ARHGAP6: variants seen among roughly 807,000 people sequenced by gnomAD.
ARHGAP6 encodes the protein rho GTPase-activating protein 6.
A neutral mutation model predicts 55.7 loss-of-function variants in ARHGAP6; 16 were observed. That is an observed-to-expected ratio of 0.29 (90% CI 0.19 to 0.44). The LOEUF is 0.44. Ranked by LOEUF, ARHGAP6 falls within the 20% of genes least tolerant of loss-of-function variation. ARHGAP6 has a pLI of 1.00. For synonymous variants in ARHGAP6, 382 were observed against 360.9 expected, an observed-to-expected ratio of 1.06 and a Z score of -0.66; for missense variants, 698 against 808.9, an observed-to-expected ratio of 0.86 and a Z score of 1.66.
chrX:11,229,405 C>A (rs2047096790), intron 2 of ARHGAP6, among the ~76,000 whole-genome samples: 1 of 112,084 alleles, frequency 8.9e-6, no homozygotes, highest in South Asian at 3.7e-4. Context: ...TTCAATGATA[C>A]CACCCCTCAG....
chrX:11,529,243 T>G (rs766348759), intron 1 of ARHGAP6, among the ~76,000 whole-genome samples: 1 of 112,132 alleles, frequency 8.9e-6, no homozygotes, highest in Non-Finnish European at 1.9e-5. Context: ...GTGTTCCCTA[T>G]AGTTTAGGCT....
intron 1 of ARHGAP6, among the ~76,000 whole-genome samples, chrX:11,593,745 G>T (rs2051867968): frequency 9.0e-6 from 1 of 111,573 alleles, no homozygotes; most frequent in Admixed American, 9.5e-5. Flanking sequence ...ACTGAAAACT[G>T]CTCTAAAAAA....
intron 1 of ARHGAP6, among the ~76,000 whole-genome samples, chrX:11,273,673 G>A (rs2047718747): frequency 9.2e-6 from 1 of 108,973 alleles, no homozygotes; most frequent in Admixed American, 9.8e-5. Context: ...TTTAACCTCA[G>A]AAACTACAAA....
chrX:11,471,779 CTG>C (rs1328748004), intron 1 of ARHGAP6, among the ~76,000 whole-genome samples: 1 of 111,670 alleles, frequency 9.0e-6, no homozygotes, highest in East Asian at 2.8e-4. Context: ...ATGTAATAGT[CTG>C]ATCCTGAGAC....
Position 11,294,670 on chromosome X carries a change from C to T in ARHGAP6, c.589-39963G>A, listed in dbSNP as rs1774805200. On this transcript the variant is annotated intron_variant, in intron 1 of 12. Coordinates refer to ENST00000337414, the MANE Select transcript of ARHGAP6 (RefSeq NM_013427.3). ...TAAATTCACAAACAATGGCTCCATC[C>T]TTCTTACTAGCAATAGACTAATGTA... 65 of 844,378 alleles carry T rather than the reference C, an allele frequency of 7.7e-5. No individual in the cohort carries two copies. In the South Asian group the frequency reaches 1.3e-3, roughly 17 times the overall value. 69.6% of individuals were successfully genotyped at this position (844,378 alleles called of 1,213,427 possible). A position where few individuals can be genotyped will look rare whatever the true frequency, so the allele number is the denominator to read the frequency against.
At chrX:11,434,525 C>T (rs764642245) in intron 1 of ARHGAP6, among the ~76,000 whole-genome samples, 7 of 110,387 alleles carry the variant, frequency 6.3e-5, no homozygotes, top group East Asian at 2.9e-4. Flanking sequence ...GACTAGTCAC[C>T]CCCCTAAAAA....
At chrX:11,583,027 G>A (rs1429581607) in intron 1 of ARHGAP6, among the ~76,000 whole-genome samples, 1 of 112,010 alleles carries the variant, frequency 8.9e-6, no homozygotes, top group Non-Finnish European at 1.9e-5. Flanking sequence ...TTTATATTTA[G>A]TCACTAAATA....
intron 1 of ARHGAP6, among the ~76,000 whole-genome samples, chrX:11,405,673 T>C (rs2049601420): frequency 8.9e-6 from 1 of 112,024 alleles, no homozygotes; most frequent in East Asian, 2.8e-4. Context: ...CAATTTCTAC[T>C]TCAGTTTCAT....
At chrX:11,227,381 G>A (rs2047064802) in intron 2 of ARHGAP6, among the ~76,000 whole-genome samples, 1 of 111,743 alleles carries the variant, frequency 8.9e-6, no homozygotes, top group African/African-American at 3.3e-5. Flanking sequence ...TTATTGCGAG[G>A]CACGTTTACC....
At chrX:11,221,676 C>T (rs2046974174) in intron 2 of ARHGAP6, among the ~76,000 whole-genome samples, 1 of 111,726 alleles carries the variant, frequency 9.0e-6, no homozygotes, top group Non-Finnish European at 1.9e-5. Flanking sequence ...CTATTCGTTC[C>T]TTTTAGTGTA....
intron 1 of ARHGAP6, among the ~76,000 whole-genome samples, chrX:11,535,754 G>A (rs914207793): frequency 2.9e-5 from 1 of 33,994 alleles, no homozygotes; most frequent in Non-Finnish European, 5.1e-5. Flanking sequence ...CAGTAAGTAC[G>A]ATCCAAGATG....
At chrX:11,590,906 G>GAA (rs1437706983) in intron 1 of ARHGAP6, among the ~76,000 whole-genome samples, 1 of 91,901 alleles carries the variant, frequency 1.1e-5, no homozygotes, top group Non-Finnish European at 2.1e-5. Context: ...AAGAAAGAAA[G>GAA]AAAGAAAGAA....
At chrX:11,245,715 G>A (rs947251273) in intron 2 of ARHGAP6, among the ~76,000 whole-genome samples, 46 of 111,725 alleles carry the variant, frequency 4.1e-4, no homozygotes, top group African/African-American at 1.5e-3. Context: ...ATATTATAAA[G>A]AATATCCAAA....
chrX:11,172,364 CATTTA>C (rs1429197937), intron 8 of ARHGAP6, among the ~76,000 whole-genome samples: 2 of 111,291 alleles, frequency 1.8e-5, no homozygotes, highest in Non-Finnish European at 3.8e-5. Context: ...GACAAGTTTT[CATTTA>C]ATTTTTCTTT....
chrX:11,173,889 T>C (rs990199227), intron 8 of ARHGAP6, among the ~76,000 whole-genome samples: 3 of 111,815 alleles, frequency 2.7e-5, no homozygotes, highest in Non-Finnish European at 5.6e-5. Flanking sequence ...AGCAAGGTGC[T>C]GGCAGAACCT....
intron 1 of ARHGAP6, among the ~76,000 whole-genome samples, chrX:11,476,127 A>G (rs1285127430): frequency 9.0e-6 from 1 of 110,647 alleles, no homozygotes; most frequent in African/African-American, 3.3e-5. Flanking sequence ...ACAATCATGT[A>G]TTAATTATGT....
chrX:11,182,803 T>A (rs1487890229), intron 5 of ARHGAP6, among the ~76,000 whole-genome samples: 6 of 109,173 alleles, frequency 5.5e-5, no homozygotes. Context: ...GCCTGACTAA[T>A]TTTTGTATTT....
chrX:11,196,363 A>ACC (rs199897331), intron 3 of ARHGAP6, among the ~76,000 whole-genome samples: 1 of 110,594 alleles, frequency 9.0e-6, no homozygotes, highest in African/African-American at 3.3e-5. Context: ...GGGCTCTGTG[A>ACC]CCCCCAAAAT....
intron 6 of ARHGAP6, 111 bp from the exon 7 acceptor site, chrX:11,179,563 C>T: frequency 1.1e-6 from 1 of 934,051 alleles, no homozygotes. Context: ...ACTGCACAGA[C>T]CCCAAGAAGG....
Sources: gnomAD v4.1 joint callset for allele counts (sites outside exome capture counted in the v4.1 genomes callset) on GRCh38, gnomAD v4.1.1 for gene constraint, MANE v1.5 for transcripts, NCBI Gene and HGNC (gene_info 2026-07-23, HGNC 2026-07-21) for gene names.